SLC39A10: variants seen among roughly 807,000 people sequenced by gnomAD.
SLC39A10 encodes solute carrier family 39 member 10, also known as zinc transporter ZIP10.
In SLC39A10, 13 loss-of-function variants were observed where a neutral mutation model predicts 65.1. The observed-to-expected ratio is 0.20, with a 90% CI of 0.13 to 0.32. The LOEUF (loss-of-function observed/expected upper bound fraction) is 0.32. Ranked by LOEUF, SLC39A10 falls within the 10% of genes least tolerant of loss-of-function variation. The pLI is 1.00. For synonymous variants in SLC39A10, 321 were observed against 342.2 expected (o/e 0.94, Z 0.68); for missense variants, 831 against 1,018.4 (o/e 0.82, Z 2.50).
intron 1 of SLC39A10, among the ~76,000 whole-genome samples, chr2:195,666,706 C>T (rs1175390308): frequency 6.6e-6 from 1 of 152,214 alleles, no homozygotes; most frequent in African/African-American, 2.4e-5. Context: ...AAGCCATATG[C>T]CTGCTTTGGT....
intron 2 of SLC39A10, among the ~76,000 whole-genome samples, chr2:195,638,186 C>G (rs1040787365): frequency 1.3e-5 from 2 of 151,942 alleles, no homozygotes; most frequent in Non-Finnish European, 2.9e-5. Context: ...AGAGACGGGA[C>G]CTTGCTATGT....
chr2:195,700,120 G>A (rs1385672520), intron 3 of SLC39A10, among the ~76,000 whole-genome samples: 1 of 152,094 alleles, frequency 6.6e-6, no homozygotes, highest in African/African-American at 2.4e-5. Context: ...TTGATGTAAA[G>A]TGAGTCTCTT....
chr2:195,711,295 C>T (rs1300168715), intron 5 of SLC39A10, among the ~76,000 whole-genome samples: 3 of 152,028 alleles, frequency 2.0e-5, no homozygotes, highest in South Asian at 2.1e-4. Flanking sequence ...ATAATTTGAT[C>T]TTTTTAATCT....
chr2:195,624,615 C>T (rs1688424250), intron 2 of SLC39A10, among the ~76,000 whole-genome samples: 1 of 151,976 alleles, frequency 6.6e-6, no homozygotes, highest in Non-Finnish European at 1.5e-5. Flanking sequence ...TGGCTCACTT[C>T]TGTAATCCCA....
chr2:195,701,435 CTT>C (rs66525117), intron 3 of SLC39A10, among the ~76,000 whole-genome samples: 1,855 of 5,614 alleles, frequency 0.33, 209 homozygotes, highest in South Asian at 0.49. Context: ...TTCTGTGATT[CTT>C]TTTTTTTTTT....
chr2:195,629,875 A>C (rs1220699121), intron 2 of SLC39A10, among the ~76,000 whole-genome samples: 7 of 152,076 alleles, frequency 4.6e-5, no homozygotes, highest in Admixed American at 4.6e-4. Context: ...CCACAGGTGC[A>C]TGCCACCATG....
intron 3 of SLC39A10, among the ~76,000 whole-genome samples, chr2:195,687,806 C>T (rs768922005): frequency 1.3e-5 from 2 of 152,140 alleles, no homozygotes; most frequent in African/African-American, 2.4e-5. Flanking sequence ...TGGTAGAAAT[C>T]GTTTGTTTCA....
At chr2:195,652,576 T>C (rs965300613), upstream of SLC39A10, among the ~76,000 whole-genome samples, 2 of 151,292 alleles carry the variant, frequency 1.3e-5, no homozygotes, top group African/African-American at 4.9e-5. Context: ...AAAGAAAATT[T>C]TAAAAAAAAG....
intron 1 of SLC39A10, among the ~76,000 whole-genome samples, chr2:195,663,476 TA>T (rs1391596171): frequency 6.6e-6 from 1 of 151,770 alleles, no homozygotes; most frequent in Non-Finnish European, 1.5e-5. Context: ...TACTACATTA[TA>T]AAATGAGATC....
rs757767067 is a variant in SLC39A10, at chr2:195,680,135, T to C, written c.93T>C (p.His31=). Residue 31 remains histidine (H), a synonymous_variant, in exon 2 of 10, where the codon CAT becomes CAC. Coordinates refer to ENST00000359634, the MANE Select transcript of SLC39A10 (RefSeq NM_020342.3). ...HCNHCHEEHD[H]GPEALHRQHR... ...ACCATTGCCATGAAGAACATGACCA[T>C]GGCCCTGAAGCGCTTCACAGACAGC... 1.1e-5 allele frequency: 17 copies of C among 1,613,866 alleles called. No homozygotes were observed. Among genetic ancestry groups the C allele is most frequent in the Non-Finnish European group, 5.1e-6 (6 of 1,180,032 alleles).
At chr2:195,699,428 A>G (rs1050335232) in intron 3 of SLC39A10, among the ~76,000 whole-genome samples, 6 of 151,652 alleles carry the variant, frequency 4.0e-5, no homozygotes, top group African/African-American at 1.2e-4. Flanking sequence ...GTTAATAATT[A>G]TCTGTTTTTC....
chr2:195,645,914 A>C (rs936173873), intron 2 of SLC39A10, among the ~76,000 whole-genome samples: 1 of 152,194 alleles, frequency 6.6e-6, no homozygotes, highest in African/African-American at 2.4e-5. Context: ...AAGTTAGAAG[A>C]GATGGTGTTC....
intron 1 of SLC39A10, among the ~76,000 whole-genome samples, chr2:195,675,702 G>T (rs1341257170): frequency 6.6e-6 from 1 of 152,110 alleles, no homozygotes; most frequent in Non-Finnish European, 1.5e-5. Context: ...AAAGTGCTGG[G>T]ATTACAGGCG....
At chr2:195,657,162 G>T (rs187677140), upstream of SLC39A10, 1 of 157,082 alleles carries the variant, frequency 6.4e-6, no homozygotes, top group Non-Finnish European at 1.4e-5. Flanking sequence ...GTAGCAGGGT[G>T]TCAGACGCGC....
At chr2:195,733,490 A>G (rs1199439856) in intron 9 of SLC39A10, among the ~76,000 whole-genome samples, 6 of 152,188 alleles carry the variant, frequency 3.9e-5, no homozygotes, top group African/African-American at 1.4e-4. Flanking sequence ...CTTAGATGTA[A>G]TAGTATGTGG....
rs569335001 is a variant in SLC39A10, at chr2:195,712,302, A to G, written c.1576-1131A>G. 2.1e-4 allele frequency among the ~76,000 whole-genome samples: 32 copies of G among 152,314 alleles called. 1 individual carries two copies. In the South Asian group the frequency reaches 4.8e-3, roughly 23 times the overall value. On this transcript the variant is annotated intron_variant, in intron 5 of 9. Coordinates refer to ENST00000359634, the MANE Select transcript of SLC39A10 (RefSeq NM_020342.3). ...CACAGCATCACTTCTCCTGCATTCTATTGATCAAAACAAGTCAAAAGGCTA... is the reference window on the plus strand; with the variant it reads ...CACAGCATCACTTCTCCTGCATTCTGTTGATCAAAACAAGTCAAAAGGCTA...
intron 2 of SLC39A10, among the ~76,000 whole-genome samples, chr2:195,619,818 G>A (rs1688312564): frequency 6.6e-6 from 1 of 152,178 alleles, no homozygotes. Context: ...TAATAATTTA[G>A]TATTAGCCTC....
At chr2:195,732,013 G>T (rs1692447725) in intron 9 of SLC39A10, among the ~76,000 whole-genome samples, 1 of 152,144 alleles carries the variant, frequency 6.6e-6, no homozygotes, top group Non-Finnish European at 1.5e-5. Flanking sequence ...CAAGAGAAAG[G>T]GAAGAAACTG....
chr2:195,717,296 G>A, intron 7 of SLC39A10: 1 of 269,900 alleles, frequency 3.7e-6, no homozygotes. Flanking sequence ...ATTTTCAAAT[G>A]TATTTACATA....
Sources: gnomAD v4.1 joint callset for allele counts (sites outside exome capture counted in the v4.1 genomes callset) on GRCh38, gnomAD v4.1.1 for gene constraint, MANE v1.5 for transcripts, NCBI Gene and HGNC (gene_info 2026-07-23, HGNC 2026-07-21) for gene names.